AGBL4: variants seen among roughly 807,000 people sequenced by gnomAD.
AGBL4 encodes the protein AGBL carboxypeptidase 4.
AGBL4 carries 58 observed loss-of-function variants against 66.4 expected under a neutral mutation model. The ratio of observed to expected loss-of-function variants is 0.87; its 90% CI spans 0.71 to 1.09. The LOEUF is 1.09. Ranked by LOEUF, AGBL4 falls within the 50% of genes least tolerant of loss-of-function variation. The probability of loss-of-function intolerance (pLI) is 0.00; values close to 1 mark genes in which losing one functional copy is unlikely to be tolerated. For synonymous variants in AGBL4, 234 were observed against 222.9 expected (o/e 1.05, Z -0.44); for missense variants, 579 against 631.0 (o/e 0.92, Z 0.88).
At chr1:49,963,365 C>T (rs1457036647) in intron 1 of AGBL4, among the ~76,000 whole-genome samples, 1 of 152,110 alleles carries the variant, frequency 6.6e-6, no homozygotes, top group Non-Finnish European at 1.5e-5. Flanking sequence ...CATTCACTCC[C>T]CTACTCCAAA....
chr1:49,383,803 ATTT>A (rs66756545), intron 3 of AGBL4, among the ~76,000 whole-genome samples: 1 of 144,598 alleles, frequency 6.9e-6, no homozygotes, highest in Admixed American at 6.9e-5. Flanking sequence ...ATATATATAT[ATTT>A]TTTTTTTTTG....
intron 1 of AGBL4, among the ~76,000 whole-genome samples, chr1:49,948,214 A>G (rs1655609656): frequency 6.1e-5 from 4 of 65,402 alleles, no homozygotes; most frequent in African/African-American, 1.9e-4. Flanking sequence ...AAATATATAA[A>G]TATATATAAA....
chr1:48,729,056 T>C (rs1277575702), intron 6 of AGBL4, among the ~76,000 whole-genome samples: 1 of 152,162 alleles, frequency 6.6e-6, no homozygotes, highest in Non-Finnish European at 1.5e-5. Flanking sequence ...CTGGTGCAAC[T>C]CACTGCCCTA....
intron 4 of AGBL4, among the ~76,000 whole-genome samples, chr1:49,100,399 A>G (rs1257949522): frequency 6.6e-6 from 1 of 152,224 alleles, no homozygotes; most frequent in East Asian, 1.9e-4. Context: ...TTACAGCTGA[A>G]GGCTGTCTGC....
chr1:49,152,510 G>A (rs548389651), intron 4 of AGBL4, among the ~76,000 whole-genome samples: 1 of 152,192 alleles, frequency 6.6e-6, no homozygotes, highest in African/African-American at 2.4e-5. Flanking sequence ...AGATGACCCT[G>A]TGAGTTGCAT....
At chr1:49,285,289 GA>G (rs1345257050) in intron 3 of AGBL4, among the ~76,000 whole-genome samples, 4 of 152,078 alleles carry the variant, frequency 2.6e-5, no homozygotes, top group Admixed American at 6.5e-5. Context: ...ATAACGAAAT[GA>G]AGGCAGAAAT....
rs146193989 is a variant in AGBL4 at position 49,210,615 on chromosome 1, A to G, written c.377+35155T>C. ...TTTAGAAAATCCCCCATCCCTAACT[A>G]CTTGAAAATGCGTTAATCATTTTAA... On this transcript the variant is annotated intron_variant, in intron 4 of 13. Transcript: ENST00000371839. Among the ~76,000 whole-genome samples the G allele has an allele frequency of 6.9e-3, 1,045 of 152,146 alleles. 9 individuals are homozygous for G. Among genetic ancestry groups the G allele is most frequent in the Non-Finnish European group, 0.01 (699 of 67,992 alleles).
chr1:48,915,416 G>A (rs937193639), intron 5 of AGBL4, among the ~76,000 whole-genome samples: 1 of 152,136 alleles, frequency 6.6e-6, no homozygotes, highest in Non-Finnish European at 1.5e-5. Flanking sequence ...TGTACTTTTG[G>A]AACATTGTCC....
At chr1:49,634,777 A>G (rs1054496182) in intron 3 of AGBL4, among the ~76,000 whole-genome samples, 32 of 152,110 alleles carry the variant, frequency 2.1e-4, no homozygotes, top group African/African-American at 7.2e-4. Context: ...GAGATGGCAA[A>G]TTTCTATCTC....
chr1:48,775,666 C>T (rs1645043009), intron 6 of AGBL4, among the ~76,000 whole-genome samples: 2 of 152,170 alleles, frequency 1.3e-5, no homozygotes, highest in African/African-American at 4.8e-5. Context: ...GCTGTCTTCT[C>T]TTTACAAAGG....
intron 4 of AGBL4, among the ~76,000 whole-genome samples, chr1:49,188,966 T>C (rs1050295868): frequency 1.3e-5 from 2 of 152,188 alleles, no homozygotes; most frequent in Non-Finnish European, 2.9e-5. Context: ...TGGCAGTTGC[T>C]TTCTAGAGCA....
chr1:49,283,197 A>T (rs1644318637), intron 3 of AGBL4, among the ~76,000 whole-genome samples: 1 of 152,194 alleles, frequency 6.6e-6, no homozygotes, highest in African/African-American at 2.4e-5. Flanking sequence ...CTGCCTCCTC[A>T]AGTGGGTCCC....
chr1:49,980,177 TGTGG>T (rs1350278621), intron 1 of AGBL4, among the ~76,000 whole-genome samples: 1 of 152,116 alleles, frequency 6.6e-6, no homozygotes, highest in Non-Finnish European at 1.5e-5. Context: ...TTTTTGACTG[TGTGG>T]GGCTGTCAGC....
intron 2 of AGBL4, among the ~76,000 whole-genome samples, chr1:49,770,803 C>T (rs549274833): frequency 6.6e-5 from 10 of 152,072 alleles, no homozygotes; most frequent in Non-Finnish European, 1.3e-4. Flanking sequence ...TGGCATACTG[C>T]TGTTCATAGG....
At chr1:49,549,534 T>C (rs1390481780) in intron 3 of AGBL4, among the ~76,000 whole-genome samples, 1 of 152,190 alleles carries the variant, frequency 6.6e-6, no homozygotes, top group Non-Finnish European at 1.5e-5. Context: ...ATTTTGTTTT[T>C]GACCCAATGC....
intron 5 of AGBL4, among the ~76,000 whole-genome samples, chr1:48,987,955 C>T (rs911614015): frequency 6.6e-5 from 10 of 152,018 alleles, no homozygotes; most frequent in Non-Finnish European, 1.5e-4. Flanking sequence ...TCCTAGAATG[C>T]TCTTATTTTT....
intron 6 of AGBL4, among the ~76,000 whole-genome samples, chr1:48,685,209 T>G (rs1415735350): frequency 6.6e-6 from 1 of 152,228 alleles, no homozygotes; most frequent in Non-Finnish European, 1.5e-5. Flanking sequence ...GACCTTGACT[T>G]CTATATAAAA....
At position 49,457,183 on chromosome 1, in the gene AGBL4, C is replaced by T. The variant is rs371683009; in HGVS notation, c.283-211319G>A. Among the ~76,000 whole-genome samples the T allele has an allele frequency of 5.3e-5, 8 of 151,848 alleles. No individual in the cohort carries two copies. The South Asian group carries it at 8.3e-4, about 16-fold the overall frequency. ...CATAGTGGTTGTACTAGTTTACATT[C>T]CCAACTACAGTGTAAAAGTGTCCCC... On this transcript the variant is annotated intron_variant, in intron 3 of 13. Transcript: ENST00000371839.
intron 9 of AGBL4, among the ~76,000 whole-genome samples, chr1:48,631,696 G>T (rs563736263): frequency 6.6e-6 from 1 of 152,036 alleles, no homozygotes; most frequent in Non-Finnish European, 1.5e-5. Flanking sequence ...ATCTGGCCTC[G>T]CATCATTTTT....
Sources: allele counts gnomAD v4.1 joint callset (sites outside exome capture counted in the v4.1 genomes callset), GRCh38; gene constraint gnomAD v4.1.1; transcripts MANE v1.5; gene names NCBI Gene and HGNC (gene_info 2026-07-23, HGNC 2026-07-21).